DOCK3: variants seen among roughly 807,000 people sequenced by gnomAD.
DOCK3 encodes the protein dedicator of cytokinesis 3, also known as dedicator of cytokinesis protein 3.
DOCK3 carries 60 observed loss-of-function variants against 265.6 expected under a neutral mutation model. The observed-to-expected ratio is 0.23, with a 90% CI of 0.18 to 0.28. DOCK3 has a LOEUF of 0.28. Among genes scored for constraint, DOCK3 ranks in the 10% least tolerant of loss-of-function variants. DOCK3 has a pLI of 1.00. For synonymous variants in DOCK3, 881 were observed against 938.0 expected, an observed-to-expected ratio of 0.94 and a Z score of 1.11; for missense variants, 1,981 against 2,594.3, an observed-to-expected ratio of 0.76 and a Z score of 5.14.
intron 5 of DOCK3, among the ~76,000 whole-genome samples, chr3:51,030,752 A>C (rs938824061): frequency 6.6e-6 from 1 of 152,214 alleles, no homozygotes; most frequent in African/African-American, 2.4e-5. Flanking sequence ...TTTCTTTTAA[A>C]TCTTAGCCCC....
intron 5 of DOCK3, among the ~76,000 whole-genome samples, chr3:50,938,544 A>G (rs1321613734): frequency 1.3e-5 from 2 of 152,126 alleles, no homozygotes; most frequent in Non-Finnish European, 2.9e-5. Flanking sequence ...CAAGTTTGTA[A>G]TAATTGAAGT....
intron 1 of DOCK3, among the ~76,000 whole-genome samples, chr3:50,747,810 G>A (rs4028317): frequency 0.85 from 128,151 of 151,566 alleles, 54,579 homozygotes; most frequent in East Asian, 0.95. Context: ...GTTGCAGTGA[G>A]CCAAGATTGC....
At chr3:51,167,382 G>T (rs1172840835) in intron 12 of DOCK3, among the ~76,000 whole-genome samples, 3 of 152,128 alleles carry the variant, frequency 2.0e-5, no homozygotes, top group Non-Finnish European at 4.4e-5. Context: ...GAAGTGTGAT[G>T]CCCCTAGCTT....
At chr3:50,902,618 T>C (rs1052981394) in intron 4 of DOCK3, among the ~76,000 whole-genome samples, 1 of 152,220 alleles carries the variant, frequency 6.6e-6, no homozygotes, top group African/African-American at 2.4e-5. Context: ...TAGTGATGCC[T>C]GCAGCCTTGT....
At chr3:51,112,099 A>G (rs1251221601) in intron 9 of DOCK3, among the ~76,000 whole-genome samples, 1 of 152,172 alleles carries the variant, frequency 6.6e-6, no homozygotes, top group East Asian at 1.9e-4. Context: ...GAACACTTAT[A>G]CACTGTTGGT....
At chr3:51,360,702 G>T in intron 47 of DOCK3, 70 bp downstream of exon 47, 1 of 1,593,436 alleles carries the variant, frequency 6.3e-7, no homozygotes, top group South Asian at 1.1e-5. Context: ...TCAGAGGAAA[G>T]AGTCCTCATG....
chr3:50,971,598 A>G (rs991132407), intron 5 of DOCK3, among the ~76,000 whole-genome samples: 8 of 152,238 alleles, frequency 5.3e-5, no homozygotes, highest in Admixed American at 3.9e-4. Flanking sequence ...AGCAGATTTT[A>G]TATTGGGTTT....
chr3:51,068,160 ATTG>A (rs1297635128), intron 6 of DOCK3, among the ~76,000 whole-genome samples: 4 of 152,206 alleles, frequency 2.6e-5, no homozygotes, highest in Admixed American at 1.3e-4. Context: ...GAAACTAGTA[ATTG>A]TTATTAGTAG....
intron 23 of DOCK3, among the ~76,000 whole-genome samples, chr3:51,263,446 G>A (rs1052310491): frequency 1.3e-5 from 2 of 152,108 alleles, no homozygotes; most frequent in Non-Finnish European, 1.5e-5. Flanking sequence ...GGAAAAACCG[G>A]TACCAGCCAC....
intron 5 of DOCK3, among the ~76,000 whole-genome samples, chr3:50,972,821 G>A (rs909752084): frequency 1.3e-5 from 2 of 150,708 alleles, no homozygotes; most frequent in Non-Finnish European, 3.0e-5. Flanking sequence ...TAGCTTTGTA[G>A]TGTATTTTGA....
intron 5 of DOCK3, among the ~76,000 whole-genome samples, chr3:51,053,838 T>C (rs954049945): frequency 6.6e-6 from 1 of 152,160 alleles, no homozygotes; most frequent in Admixed American, 6.5e-5. Context: ...TTAGGGTTAA[T>C]AATTGTTTCT....
At chr3:50,904,592 C>T (rs1470618179) in intron 4 of DOCK3, among the ~76,000 whole-genome samples, 1 of 152,126 alleles carries the variant, frequency 6.6e-6, no homozygotes, top group Non-Finnish European at 1.5e-5. Flanking sequence ...TATCCTTTGC[C>T]CACTTTGTGA....
intron 27 of DOCK3, among the ~76,000 whole-genome samples, chr3:51,292,766 C>G (rs1179114008): frequency 6.6e-6 from 1 of 152,156 alleles, no homozygotes; most frequent in East Asian, 1.9e-4. Flanking sequence ...CAACCTCCAC[C>G]TCCCAGGTTC....
intron 3 of DOCK3, among the ~76,000 whole-genome samples, chr3:50,882,138 C>T (rs1257211608): frequency 4.6e-5 from 7 of 152,218 alleles, no homozygotes; most frequent in African/African-American, 1.7e-4. Context: ...AAGACTTAAA[C>T]CTTAGACCTA....
chr3:50,696,873 A>G (rs752785537), intron 1 of DOCK3, among the ~76,000 whole-genome samples: 2 of 151,534 alleles, frequency 1.3e-5, no homozygotes, highest in African/African-American at 2.4e-5. Flanking sequence ...CATTGTGTGT[A>G]TACTTTTTAA....
At chr3:50,778,400 A>G (rs1385275582) in intron 1 of DOCK3, among the ~76,000 whole-genome samples, 4 of 152,170 alleles carry the variant, frequency 2.6e-5, no homozygotes, top group African/African-American at 9.7e-5. Context: ...TATCCAAGGG[A>G]CAGAGACTCT....
chr3:50,827,357 G>T (rs1163243010), intron 2 of DOCK3, among the ~76,000 whole-genome samples: 1 of 152,184 alleles, frequency 6.6e-6, no homozygotes, highest in Non-Finnish European at 1.5e-5. Context: ...TTAATGCCTA[G>T]TAAGAGCATA....
At chr3:51,288,903 G>T (rs201415532) in intron 27 of DOCK3, among the ~76,000 whole-genome samples, 188 of 144,218 alleles carry the variant, frequency 1.3e-3, no homozygotes, top group Middle Eastern at 3.6e-3. Context: ...TGTGTGTGTG[G>T]GTGTGTGTGT....
At chr3:50,801,815 T>C (rs2043086494) in intron 2 of DOCK3, among the ~76,000 whole-genome samples, 1 of 152,202 alleles carries the variant, frequency 6.6e-6, no homozygotes, top group Admixed American at 6.5e-5. Context: ...CCACAGCTAT[T>C]ATTGTATTTG....
Sources: allele counts gnomAD v4.1 joint callset (sites outside exome capture counted in the v4.1 genomes callset), GRCh38; gene constraint gnomAD v4.1.1; transcripts MANE v1.5; gene names NCBI Gene and HGNC (gene_info 2026-07-23, HGNC 2026-07-21).